SLC7A6: variants seen among roughly 807,000 people sequenced by gnomAD.
The protein encoded by SLC7A6 is solute carrier family 7 member 6.
Under a neutral mutation model 46.6 loss-of-function variants are expected in SLC7A6, and 29 were observed. The observed-to-expected ratio is 0.62, with a 90% confidence interval of 0.46 to 0.85. The LOEUF (loss-of-function observed/expected upper bound fraction) is 0.85, where lower values mean the gene tolerates loss of function less well. SLC7A6 is among the 40% of genes least tolerant of loss of function. The pLI is 0.00. For missense variants in SLC7A6, 527 were observed against 647.6 expected, an observed-to-expected ratio of 0.81 and a Z score of 2.02; for synonymous variants, 276 against 257.3, an observed-to-expected ratio of 1.07 and a Z score of -0.70.
chr16:68,287,134 C>T (rs543791644), intron 3 of SLC7A6, among the ~76,000 whole-genome samples: 7 of 151,898 alleles, frequency 4.6e-5, no homozygotes, highest in Non-Finnish European at 8.8e-5. Flanking sequence ...TGCACCACCA[C>T]GCCCAGCTAA....
chr16:68,290,980 T>G, intron 5 of SLC7A6: 1 of 535,544 alleles, frequency 1.9e-6, no homozygotes, highest in Non-Finnish European at 3.4e-6. Flanking sequence ...GTAGGACCCA[T>G]TGGTCCTACT....
intron 2 of SLC7A6, among the ~76,000 whole-genome samples, chr16:68,271,263 G>A (rs2042619059): frequency 6.6e-6 from 1 of 152,142 alleles, no homozygotes; most frequent in Non-Finnish European, 1.5e-5. Context: ...AAAATACTAG[G>A]ATTATAGGCG....
Position 68,275,103 on chromosome 16 carries a change from TC to T in SLC7A6, c.379del (p.Arg127AlafsTer7), listed in dbSNP as rs749488702. The T allele has an allele frequency of 6.2e-7, 1 of 1,614,154 alleles. No homozygotes were observed. The highest frequency in any genetic ancestry group is 2.2e-5 in the East Asian group (1 of 44,888). The stretch of plus-strand genomic sequence containing the variant: ...GCCTTTGGGGGCTTCATTGCCTTCA[TC>T]CGCCTGTGGGTCTCACTGCTAGTTG... ...LEAFGGFIAF[I>X]RLWVSLLVVE... On this transcript the variant is annotated frameshift_variant, in exon 3 of 11. Transcript: ENST00000219343. LOFTEE classifies it high-confidence loss of function.
At chr16:68,271,245 G>A (rs1350038665) in intron 2 of SLC7A6, among the ~76,000 whole-genome samples, 1 of 152,122 alleles carries the variant, frequency 6.6e-6, no homozygotes, top group Non-Finnish European at 1.5e-5. Context: ...CTCTGGCCTT[G>A]GTCTCCCAAA....
At position 68,301,664 on chromosome 16, in the gene SLC7A6, T is replaced by G. The variant is rs375466323; in HGVS notation, c.*4336T>G. The G allele has an allele frequency of 1.2e-4, 35 of 288,434 alleles. 1 individual carries two copies. Among genetic ancestry groups the G allele is most frequent in the East Asian group, 1.1e-3 (16 of 15,162 alleles). The allele number at this position is 288,434 out of a possible 1,614,324, so 17.9% of individuals were successfully genotyped here. On this transcript the variant is annotated 3_prime_UTR_variant, in exon 11 of 11. Transcript: ENST00000219343. ...TATTTTGTCACTTCTCCCCTCCGTA[T>G]AGGATTTTTTGTTGTTGTAAGAGTT... is the stretch of plus-strand genomic sequence containing the variant.
intron 1 of SLC7A6, chr16:68,265,814 T>C (rs919472939): frequency 6.6e-6 from 1 of 152,230 alleles, no homozygotes; most frequent in Non-Finnish European, 1.5e-5. Flanking sequence ...CCTCTCTTCC[T>C]CTCCTTGTCC....
chr16:68,289,951 A>G (rs1387458524), intron 4 of SLC7A6: 1 of 164,064 alleles, frequency 6.1e-6, no homozygotes, highest in African/African-American at 2.4e-5. Context: ...TTTCAATGAA[A>G]AATGACTCCT....
Position 68,279,011 on chromosome 16 carries a change from C to T in SLC7A6, c.523+3762C>T, listed in dbSNP as rs1039420905. ...CCCCCCACCTCCCTCCTGGATGGGG[C>T]GGCTGACTGCTTTATAAAATTAAAA... is the stretch of plus-strand genomic sequence containing the variant. On this transcript the variant is annotated intron_variant, in intron 3 of 10. Coordinates refer to ENST00000219343, the MANE Select transcript of SLC7A6 (RefSeq NM_003983.6). 1.1e-4 allele frequency among the ~76,000 whole-genome samples: 17 copies of T among 152,054 alleles called. No individual in the cohort carries two copies. In the East Asian group the frequency reaches 1.9e-3, roughly 17 times the overall value.
At position 68,287,179 on chromosome 16, in the gene SLC7A6, T is replaced by C. The variant is rs1366564651; in HGVS notation, c.524-567T>C. The C allele has an allele frequency of 5.8e-5, 28 of 484,626 alleles. 1 individual carries two copies. Among genetic ancestry groups the C allele is most frequent in the Non-Finnish European group, 8.7e-5 (26 of 297,788 alleles). The allele number at this position is 484,626 out of a possible 1,614,324, so 30.0% of individuals were successfully genotyped here. On this transcript the variant is annotated intron_variant, in intron 3 of 10. Coordinates refer to ENST00000219343, the MANE Select transcript of SLC7A6 (RefSeq NM_003983.6). ...TTTTTGTAGGGACAGGGTTTCTCCA[T>C]GTTGCCCAGGCTGGTCTCTAACTCC...
At position 68,275,153 on chromosome 16, in the gene SLC7A6, A is replaced by G. The variant is rs367561778; in HGVS notation, c.427A>G (p.Ile143Val). ...LVVEPTGQAIIAITFANYIIQ... is the reference protein window; with the variant it reads ...LVVEPTGQAIVAITFANYIIQ... ...TGTTGAGCCCACCGGTCAGGCCATC[A>G]TCGCCATCACCTTTGCCAACTACAT... Residue 143 changes from isoleucine to valine, a missense_variant, in exon 3 of 11, where the codon ATC (isoleucine) becomes GTC (valine). By Grantham distance (29) the Ile-to-Val change is conservative. Coordinates refer to ENST00000219343, the MANE Select transcript of SLC7A6 (RefSeq NM_003983.6). 3 of 1,614,038 alleles carry G rather than the reference A, an allele frequency of 1.9e-6. No individual in the cohort carries two copies. Among genetic ancestry groups the G allele is most frequent in the Non-Finnish European group, 2.5e-6 (3 of 1,180,034 alleles).
intron 3 of SLC7A6, chr16:68,287,257 T>A (rs987154899): frequency 8.5e-7 from 1 of 1,176,250 alleles, no homozygotes; most frequent in Admixed American, 2.4e-5. Context: ...GGATTACAGG[T>A]GTGAGCCACT....
rs1157630578 is a variant in SLC7A6 at position 68,290,272 on chromosome 16, TC to T, written c.650-123del. 8 of 1,033,020 alleles carry T rather than the reference TC, an allele frequency of 7.7e-6. No individual in the cohort carries two copies. In the East Asian group the frequency reaches 2.0e-4, roughly 26 times the overall value. 64.0% of individuals were successfully genotyped at this position (1,033,020 alleles called of 1,614,324 possible). On this transcript the variant is annotated intron_variant, in intron 4 of 10. Coordinates refer to ENST00000219343, the MANE Select transcript of SLC7A6 (RefSeq NM_003983.6). ...TGTTCCTCCCCATTCCTCCTTTTTT[TC>T]ATCTTCCCTTCCTCTTTCCTATTCT...
chr16:68,301,542 T>C lies in SLC7A6; in HGVS notation c.*4214T>C, dbSNP rs1001233403. On this transcript the variant is annotated 3_prime_UTR_variant, in exon 11 of 11. Transcript: ENST00000219343. ...CTTGCTCAATAAATAAAAAAGAATATAGAATTCTTTTTTTTTTAAAGAAGG... is the reference window on the plus strand; with the variant it reads ...CTTGCTCAATAAATAAAAAAGAATACAGAATTCTTTTTTTTTTAAAGAAGG... The C allele has an allele frequency of 1.2e-5, 8 of 644,056 alleles. No homozygotes were observed. The highest frequency in any genetic ancestry group is 3.0e-5 in the South Asian group (1 of 33,094). The allele number at this position is 644,056 out of a possible 1,614,324, so 39.9% of individuals were successfully genotyped here. A position where few individuals can be genotyped will look rare whatever the true frequency, so the allele number is the denominator to read the frequency against.
intron 7 of SLC7A6, among the ~76,000 whole-genome samples, chr16:68,293,720 C>T (rs1481694456): frequency 1.3e-5 from 2 of 152,226 alleles, no homozygotes; most frequent in Admixed American, 1.3e-4. Flanking sequence ...CATACCTCCA[C>T]ACATTTTGCC....
chr16:68,287,696 C>T, intron 3 of SLC7A6, 50 bp from the exon 4 acceptor site: 1 of 1,597,162 alleles, frequency 6.3e-7, no homozygotes, highest in East Asian at 2.2e-5. Context: ...GGGTTGGGCC[C>T]CTGTGCCCTC....
chr16:68,274,240 G>A (rs1261958112), intron 2 of SLC7A6, among the ~76,000 whole-genome samples: 1 of 152,210 alleles, frequency 6.6e-6, no homozygotes, highest in African/African-American at 2.4e-5. Flanking sequence ...TTGGGTAGAG[G>A]TGACTGGGCA....
chr16:68,276,555 C>G (rs1367366922), intron 3 of SLC7A6, among the ~76,000 whole-genome samples: 1 of 152,124 alleles, frequency 6.6e-6, no homozygotes, highest in Non-Finnish European at 1.5e-5. Flanking sequence ...AGGGAAAACG[C>G]TCCATATTCC....
chr16:68,286,638 C>T (rs751529517), intron 3 of SLC7A6, among the ~76,000 whole-genome samples: 15 of 152,176 alleles, frequency 9.9e-5, no homozygotes, highest in Non-Finnish European at 1.6e-4. Context: ...TATGTCGTCC[C>T]CATGGATCAG....
At position 68,296,616 on chromosome 16, in the gene SLC7A6, C is replaced by A. The variant is rs557894971; in HGVS notation, c.1270-11C>A. The A allele has an allele frequency of 2.4e-5, 38 of 1,614,046 alleles. No homozygotes were observed. The highest frequency in any genetic ancestry group is 3.3e-5 in the Admixed American group (2 of 60,010). ...CCCACGTTACTTAATCTCTCACCCC[C>A]TCTATTTCAGCTGAGCGTGTTTTTC... On this transcript the variant is annotated splice_polypyrimidine_tract_variant and intron_variant, in intron 9 of 10. Transcript: ENST00000219343.
Sources: allele counts gnomAD v4.1 joint callset (sites outside exome capture counted in the v4.1 genomes callset), GRCh38; gene constraint gnomAD v4.1.1; transcripts MANE v1.5; gene names NCBI Gene and HGNC (gene_info 2026-07-23, HGNC 2026-07-21).